MEN1: variants seen among roughly 807,000 people sequenced by gnomAD.
MEN1 encodes menin 1, also known as menin.
In MEN1, 6 loss-of-function variants were observed where a neutral mutation model predicts 58.0. The ratio of observed to expected loss-of-function variants is 0.10; its 90% CI spans 0.06 to 0.20. The LOEUF (loss-of-function observed/expected upper bound fraction) is 0.20, where lower values mean the gene tolerates loss of function less well. Ranked by LOEUF, MEN1 falls within the 10% of genes least tolerant of loss-of-function variation. The probability of loss-of-function intolerance (pLI) is 1.00; values close to 1 mark genes in which losing one functional copy is unlikely to be tolerated. For missense variants in MEN1, 492 were observed against 818.5 expected (o/e 0.60, Z 4.87); for synonymous variants, 346 against 350.7 (o/e 0.99, Z 0.15).
At position 64,805,663 on chromosome 11, in the gene MEN1, C is replaced by G. The variant is rs761360623; in HGVS notation, c.1157G>C (p.Gly386Ala). The G allele has an allele frequency of 6.2e-7, 1 of 1,614,132 alleles. No homozygotes were observed. Among genetic ancestry groups the G allele is most frequent in the Non-Finnish European group, 8.5e-7 (1 of 1,180,024 alleles). Reference protein sequence around the residue: ...LKEAASLLEAGEERPGEQSQG... With the variant: ...LKEAASLLEAAEERPGEQSQG... ...GCTTTGCTCCCCCGGCCGCTCCTCG[C>G]CCGCCTCCAGCAAGCTGGCTGCCTC... Residue 386 changes from glycine (G) to alanine (A), a missense_variant, in exon 8 of 10, where the codon GGC (glycine) becomes GCC (alanine). By Grantham distance (60) the Gly-to-Ala change is moderately conservative. Transcript: ENST00000450708.
Position 64,803,984 on chromosome 11 carries a change from G to A in MEN1, c.*350C>T. 1 of 419,290 alleles carries A rather than the reference G, an allele frequency of 2.4e-6. No individual in the cohort carries two copies. The highest frequency in any genetic ancestry group is 4.1e-5 in the East Asian group (1 of 24,238). 26.0% of individuals were successfully genotyped at this position (419,290 alleles called of 1,614,324 possible). A position where few individuals can be genotyped will look rare whatever the true frequency, so the allele number is the denominator to read the frequency against. ...AACCTCAGCTCCTACAAGCTGGGAG[G>A]AGCCCTGAGTAACGTTGGTCTGGCT... On this transcript the variant is annotated 3_prime_UTR_variant, in exon 10 of 10. Transcript: ENST00000450708.
rs1215285349 is a variant in MEN1, at chr11:64,804,941, G to T, written c.1350+93C>A. On this transcript the variant is annotated intron_variant, in intron 9 of 9. Coordinates refer to ENST00000450708, the MANE Select transcript of MEN1 (RefSeq NM_001370259.2). This position sits in a 1 kb window ranked among gnomAD's most constrained non-coding sequence, Gnocchi z 4.2. ...AGTCCCATCGGCACCCAAGGGGATG[G>T]GCAGATGCTGCCCCTGGGCCAGAAA... 6.3e-7 allele frequency: 1 copy of T among 1,598,790 alleles called. No individual in the cohort carries two copies. Among genetic ancestry groups the T allele is most frequent in the South Asian group, 1.1e-5 (1 of 90,892 alleles).
At position 64,804,587 on chromosome 11, in the gene MEN1, C is replaced by T. The variant is rs1085307502; in HGVS notation, c.1580G>A (p.Arg527Gln). The T allele has an allele frequency of 3.7e-6, 6 of 1,611,940 alleles. No individual in the cohort carries two copies. The African/African-American group carries it at 4.0e-5, about 11-fold the overall frequency. Reference sequence around the variant, plus strand: ...AGCCGTGCTGCCACCTTCAGGGCCTCGGGCTGTGCCAGCGACAGTCCCAGG... The same window carrying T: ...AGCCGTGCTGCCACCTTCAGGGCCTTGGGCTGTGCCAGCGACAGTCCCAGG... ...KPPGTVAGTA[R>Q]GPEGGSTAQV... The change falls in exon 10 of 10, where the codon CGA becomes CAA. Residue 527 changes from arginine to glutamine, a missense_variant. Physicochemically the swap from Arg to Gln is conservative, Grantham distance 43 (BLOSUM62 1). Transcript: ENST00000450708. This position sits in a 1 kb window ranked among gnomAD's most constrained non-coding sequence, Gnocchi z 4.2.
Position 64,805,687 on chromosome 11 carries a change from T to C in MEN1, c.1133A>G (p.Glu378Gly). The C allele has an allele frequency of 6.2e-7, 1 of 1,614,144 alleles. No individual in the cohort carries two copies. The highest frequency in any genetic ancestry group is 8.5e-7 in the Non-Finnish European group (1 of 1,180,002). ...GCCCGCCTCCAGCAAGCTGGCTGCCTCCTTCAGCAGGTTGGGGATGACATC... is the reference window on the plus strand; with the variant it reads ...GCCCGCCTCCAGCAAGCTGGCTGCCCCCTTCAGCAGGTTGGGGATGACATC... ...ANDVIPNLLKEAASLLEAGEE... is the reference protein window; with the variant it reads ...ANDVIPNLLKGAASLLEAGEE... The change falls in exon 8 of 10, where the codon GAG becomes GGG. Residue 378 changes from glutamate (E) to glycine (G), a missense_variant. Coordinates refer to ENST00000450708, the MANE Select transcript of MEN1 (RefSeq NM_001370259.2).
Position 64,804,113 on chromosome 11 carries a change from C to A in MEN1, c.*221G>T. The A allele has an allele frequency of 1.7e-6, 1 of 598,550 alleles. No individual in the cohort carries two copies. The allele number at this position is 598,550 out of a possible 1,614,324, so 37.1% of individuals were successfully genotyped here. On this transcript the variant is annotated 3_prime_UTR_variant, in exon 10 of 10. Transcript: ENST00000450708. This position sits in a 1 kb window ranked among gnomAD's most constrained non-coding sequence, Gnocchi z 4.2. ...AGGTTTCCATTGGCCGGCTGGGATT[C>A]TGGGAGAAGAGACCTATATTCTAAC...
At position 64,808,674 on chromosome 11, in the gene MEN1, G is replaced by A. The variant is rs563449293; in HGVS notation, c.446-575C>T. 5.3e-5 allele frequency among the ~76,000 whole-genome samples: 8 copies of A among 152,288 alleles called. No homozygotes were observed. The South Asian group carries it at 1.5e-3, about 28-fold the overall frequency. On this transcript the variant is annotated intron_variant, in intron 2 of 9. Transcript: ENST00000450708. ...GTCTCAAACATTTTTGACCAGGTGCGGTGGCTCACGCCTGTAATCCCAGCA... is the reference window on the plus strand; with the variant it reads ...GTCTCAAACATTTTTGACCAGGTGCAGTGGCTCACGCCTGTAATCCCAGCA...
chr11:64,805,013 C>T, intron 9 of MEN1, 21 bp downstream of exon 9: 1 of 1,612,598 alleles, frequency 6.2e-7, no homozygotes, highest in Non-Finnish European at 8.5e-7. Flanking sequence ...GTGCCCAGAC[C>T]TCTGTGCAGC....
Position 64,805,206 on chromosome 11 carries a change from A to AG in MEN1, c.1186-9dup. On this transcript the variant is annotated splice_polypyrimidine_tract_variant and intron_variant, in intron 8 of 9. Transcript: ENST00000450708. ...ACCTTGGCTCTGGGTGCCCTGGACG[A>AG]GGGGGAAGGGAGGGCACAGATCAGT... 2 of 1,612,792 alleles carry AG rather than the reference A, an allele frequency of 1.2e-6. No homozygotes were observed. Among genetic ancestry groups the AG allele is most frequent in the Non-Finnish European group, 1.7e-6 (2 of 1,179,820 alleles).
At chr11:64,808,306 T>C (rs925141146) in intron 2 of MEN1, among the ~76,000 whole-genome samples, 6 of 152,188 alleles carry the variant, frequency 3.9e-5, no homozygotes, top group African/African-American at 1.4e-4. Context: ...TCCAACAAGA[T>C]ACCTTTCTGG....
In MEN1 at chr11:64,804,023, T is replaced by C. The variant is rs906939612; in HGVS notation, c.*311A>G. The C allele has an allele frequency of 2.1e-6, 1 of 466,994 alleles. No homozygotes were observed. Among genetic ancestry groups the C allele is most frequent in the Non-Finnish European group, 3.9e-6 (1 of 254,454 alleles). The allele number at this position is 466,994 out of a possible 1,614,324, so 28.9% of individuals were successfully genotyped here. ...GTTGGTCTGGCTCTAGGTGAGCGGTTCCGAGGAGGAGCTTGGGTTTCTAGG... is the reference window on the plus strand; with the variant it reads ...GTTGGTCTGGCTCTAGGTGAGCGGTCCCGAGGAGGAGCTTGGGTTTCTAGG... On this transcript the variant is annotated 3_prime_UTR_variant, in exon 10 of 10. Transcript: ENST00000450708. This position sits in a 1 kb window ranked among gnomAD's most constrained non-coding sequence, Gnocchi z 4.2.
chr11:64,811,119 CA>C (rs1942081625), upstream of MEN1: 2 of 151,680 alleles, frequency 1.3e-5, no homozygotes, highest in Admixed American at 1.3e-4. Context: ...TGTTTTGAGA[CA>C]CGGTCTTTCT....
chr11:64,804,397 C>T lies in MEN1; in HGVS notation c.1770G>A (p.Gln590=). ...TAQSQVQMKK[Q]KVSTPSDYTL... is the part of the protein sequence containing the mutation. ...TGTAGTCACTAGGGGTGGACACTTT[C>T]TGCTTCTTCATCTGCACTTGCGACT... Residue 590 remains glutamine (Q), a synonymous_variant, in exon 10 of 10, where the codon CAG becomes CAA. Coordinates refer to ENST00000450708, the MANE Select transcript of MEN1 (RefSeq NM_001370259.2). The surrounding 1 kb of genome is among the most constrained non-coding windows in gnomAD (Gnocchi z 4.2). The T allele has an allele frequency of 6.2e-7, 1 of 1,614,182 alleles. No homozygotes were observed. The highest frequency in any genetic ancestry group is 8.5e-7 in the Non-Finnish European group (1 of 1,180,020).
At chr11:64,810,386 G>A in intron 1 of MEN1, 128 bp downstream of exon 1, 1 of 511,828 alleles carries the variant, frequency 2.0e-6, no homozygotes, top group South Asian at 2.4e-5. Flanking sequence ...CCAATGAGGA[G>A]CCCCAATGGC....
At chr11:64,806,880 T>C (rs1941764681) in intron 6 of MEN1, 131 bp downstream of exon 6, 8 of 833,446 alleles carry the variant, frequency 9.6e-6, no homozygotes, top group Non-Finnish European at 1.6e-5. Flanking sequence ...CTGCACACAG[T>C]TGACACAAAG....
rs765446407 is a variant in MEN1 at position 64,810,068 on chromosome 11, G to A, written c.42C>T (p.Arg14=). The A allele has an allele frequency of 1.2e-6, 2 of 1,608,010 alleles. No homozygotes were observed. The highest frequency in any genetic ancestry group is 4.5e-5 in the East Asian group (2 of 44,660). Residue 14 remains arginine, a synonymous_variant, in exon 2 of 10, where the codon CGC becomes CGT. Transcript: ENST00000450708. ...ACAGGCGCACCACGTCGTCGATGGA[G>A]CGCAGCGGGAACAGCGTCTTCTGGG... ...KAAQKTLFPL[R]SIDDVVRLFA...
chr11:64,807,426 G>C lies in MEN1; in HGVS notation c.783+126C>G. On this transcript the variant is annotated intron_variant, in intron 4 of 9. Transcript: ENST00000450708. The surrounding 1 kb of genome is among the most constrained non-coding windows in gnomAD (Gnocchi z 4.9). ...AGAGCCCTGGGAAAGGCCAGGCCAG[G>C]AATTACTAACCCATTTTTCCAGGAG... 8.7e-7 allele frequency: 1 copy of C among 1,148,458 alleles called. No homozygotes were observed. Among genetic ancestry groups the C allele is most frequent in the Non-Finnish European group, 1.3e-6 (1 of 784,886 alleles). 71.1% of individuals were successfully genotyped at this position (1,148,458 alleles called of 1,614,324 possible).
At position 64,805,196 on chromosome 11, in the gene MEN1, G is replaced by A. The variant is rs749418407; in HGVS notation, c.1188C>T (p.Gly396=). 1 of 1,613,400 alleles carries A rather than the reference G, an allele frequency of 6.2e-7. No homozygotes were observed. Among genetic ancestry groups the A allele is most frequent in the South Asian group, 1.1e-5 (1 of 91,044 alleles). The change falls in exon 9 of 10, where the codon GGC becomes GGT. Residue 396 remains glycine, a splice_region_variant and synonymous_variant. Coordinates refer to ENST00000450708, the MANE Select transcript of MEN1 (RefSeq NM_001370259.2). ...GGAGGGCGGAACCTTGGCTCTGGGT[G>A]CCCTGGACGAGGGGGAAGGGAGGGC... The part of the protein sequence containing the change: ...GEERPGEQSQ[G]TQSQGSALQD...
intron 2 of MEN1, among the ~76,000 whole-genome samples, chr11:64,809,109 C>CA (rs1565650269): frequency 6.6e-6 from 1 of 151,000 alleles, no homozygotes; most frequent in African/African-American, 2.4e-5. Flanking sequence ...AAAAAAAATA[C>CA]AAAAAATTAA....
chr11:64,807,788 T>C lies in MEN1; in HGVS notation c.654+103A>G. 1 of 1,604,962 alleles carries C rather than the reference T, an allele frequency of 6.2e-7. No individual in the cohort carries two copies. The highest frequency in any genetic ancestry group is 8.5e-7 in the Non-Finnish European group (1 of 1,173,282). On this transcript the variant is annotated intron_variant, in intron 3 of 9. Coordinates refer to ENST00000450708, the MANE Select transcript of MEN1 (RefSeq NM_001370259.2). The surrounding 1 kb of genome is among the most constrained non-coding windows in gnomAD (Gnocchi z 4.9). ...CTTCTGTCTTCCCTTCCTATGTGGG[T>C]GGTGATGGGAAGAAAGGGGTGTGGC... is the stretch of plus-strand genomic sequence containing the variant.
Sources: allele counts gnomAD v4.1 joint callset (sites outside exome capture counted in the v4.1 genomes callset), GRCh38; gene constraint gnomAD v4.1.1; non-coding constraint Gnocchi (gnomAD v3.1); transcripts MANE v1.5; gene names NCBI Gene and HGNC (gene_info 2026-07-23, HGNC 2026-07-21).